NTF3: variants seen among roughly 807,000 people sequenced by gnomAD.
The protein encoded by NTF3 is neurotrophin-3.
NTF3 carries 8 observed loss-of-function variants against 26.3 expected under a neutral mutation model. The ratio of observed to expected loss-of-function variants is 0.30; its 90% CI spans 0.18 to 0.55. NTF3 has a LOEUF of 0.55. Among genes scored for constraint, NTF3 ranks in the 20% least tolerant of loss-of-function variants. The pLI is 0.93. For synonymous variants in NTF3, 154 were observed against 145.5 expected (o/e 1.06, Z -0.42); for missense variants, 276 against 352.9 (o/e 0.78, Z 1.75).
At chr12:5,472,965 A>G (rs1940683038) in intron 1 of NTF3, among the ~76,000 whole-genome samples, 1 of 152,112 alleles carries the variant, frequency 6.6e-6, no homozygotes, top group Non-Finnish European at 1.5e-5. Flanking sequence ...GGGCCAGGAG[A>G]GCACTTTCTC....
chr12:5,483,470 C>G (rs185216332), intron 1 of NTF3, among the ~76,000 whole-genome samples: 2 of 152,246 alleles, frequency 1.3e-5, no homozygotes, highest in East Asian at 3.9e-4. Flanking sequence ...TGAGGCCCTT[C>G]TGAGCAAATT....
At chr12:5,462,333 A>C (rs907543716) in intron 1 of NTF3, among the ~76,000 whole-genome samples, 3 of 152,252 alleles carry the variant, frequency 2.0e-5, no homozygotes, top group Non-Finnish European at 2.9e-5. Flanking sequence ...TTAGGATTAG[A>C]GTCAGAATAC....
chr12:5,443,270 C>A (rs1007925852), intron 1 of NTF3, among the ~76,000 whole-genome samples: 4 of 152,192 alleles, frequency 2.6e-5, no homozygotes, highest in Non-Finnish European at 4.4e-5. Flanking sequence ...AGGGCCCCCC[C>A]ATCCCCGACC....
At chr12:5,476,228 A>C (rs914329552) in intron 1 of NTF3, among the ~76,000 whole-genome samples, 2 of 152,152 alleles carry the variant, frequency 1.3e-5, no homozygotes, top group African/African-American at 4.8e-5. Context: ...TTAGGTGATA[A>C]AGTATCTGGT....
chr12:5,430,589 C>G (rs999366296), upstream of NTF3, among the ~76,000 whole-genome samples: 3 of 151,578 alleles, frequency 2.0e-5, no homozygotes, highest in African/African-American at 4.9e-5. Flanking sequence ...CAGACTCCCC[C>G]CTCCCTTCCC....
In NTF3 at chr12:5,485,059, C is replaced by A. The variant is rs551243212; in HGVS notation, c.19-9135C>A. On this transcript the variant is annotated intron_variant, in intron 1 of 1. Coordinates refer to ENST00000423158, the MANE Select transcript of NTF3 (RefSeq NM_001102654.2). The stretch of plus-strand genomic sequence containing the variant: ...ATTTTTAAAAATGAGTCTTTGGGTT[C>A]TTGGTTGTTTTTTACCATCAAATGA... Among the ~76,000 whole-genome samples the A allele has an allele frequency of 3.9e-5, 6 of 152,180 alleles. 1 individual carries two copies. The highest frequency in any genetic ancestry group is 4.1e-4 in the South Asian group (2 of 4,828).
At chr12:5,487,274 C>T (rs1033665896) in intron 1 of NTF3, among the ~76,000 whole-genome samples, 7 of 152,224 alleles carry the variant, frequency 4.6e-5, no homozygotes, top group African/African-American at 7.2e-5. Context: ...GTGTGCCATG[C>T]CTTCCATCTT....
At chr12:5,461,951 G>A (rs1940531123) in intron 1 of NTF3, among the ~76,000 whole-genome samples, 1 of 152,244 alleles carries the variant, frequency 6.6e-6, no homozygotes, top group African/African-American at 2.4e-5. Flanking sequence ...CAAGGGTTAT[G>A]TGTATGATGT....
In NTF3 at chr12:5,494,078, G is replaced by C. The variant is rs1032853741; in HGVS notation, c.19-116G>C. 1.1e-6 allele frequency: 1 copy of C among 904,284 alleles called. No individual in the cohort carries two copies. Among genetic ancestry groups the C allele is most frequent in the South Asian group, 1.7e-5 (1 of 59,602 alleles). The allele number at this position is 904,284 out of a possible 1,614,324, so 56.0% of individuals were successfully genotyped here. A position where few individuals can be genotyped will look rare whatever the true frequency, so the allele number is the denominator to read the frequency against. The stretch of plus-strand genomic sequence containing the variant: ...GAGGGGAGTTGCCTTGCTTACCTGG[G>C]GGGCGGTACCCTCTCTCGTGCCCTC... On this transcript the variant is annotated intron_variant, in intron 1 of 1. Coordinates refer to ENST00000423158, the MANE Select transcript of NTF3 (RefSeq NM_001102654.2). The surrounding 1 kb of genome is among the most constrained non-coding windows in gnomAD (Gnocchi z 8.3).
At chr12:5,489,591 A>G (rs1221887620) in intron 1 of NTF3, among the ~76,000 whole-genome samples, 1 of 152,180 alleles carries the variant, frequency 6.6e-6, no homozygotes, top group African/African-American at 2.4e-5. Context: ...GGCACTTTGC[A>G]TTTTTATTCT....
chr12:5,481,986 C>T (rs538059939), intron 1 of NTF3, among the ~76,000 whole-genome samples: 5 of 151,602 alleles, frequency 3.3e-5, no homozygotes, highest in Middle Eastern at 3.4e-3. Flanking sequence ...CAGACACACT[C>T]GCAGGCATAC....
intron 1 of NTF3, among the ~76,000 whole-genome samples, chr12:5,436,534 T>C (rs1467601574): frequency 1.3e-5 from 2 of 152,194 alleles, no homozygotes; most frequent in African/African-American, 2.4e-5. Flanking sequence ...ATATAATGAC[T>C]CAAGGAGAAG....
intron 1 of NTF3, among the ~76,000 whole-genome samples, chr12:5,450,939 G>A (rs1386679878): frequency 6.6e-6 from 1 of 152,182 alleles, no homozygotes; most frequent in Non-Finnish European, 1.5e-5. Flanking sequence ...TCAAATGACT[G>A]AGTAACTCAT....
intron 1 of NTF3, among the ~76,000 whole-genome samples, chr12:5,490,306 C>T (rs1940919489): frequency 6.6e-6 from 1 of 152,142 alleles, no homozygotes; most frequent in African/African-American, 2.4e-5. Context: ...AAATAGACGT[C>T]GAAAGTCCGC....
chr12:5,466,529 C>T (rs1416854796), intron 1 of NTF3, among the ~76,000 whole-genome samples: 1 of 152,198 alleles, frequency 6.6e-6, no homozygotes, highest in East Asian at 1.9e-4. Context: ...TCCTAGCCAT[C>T]ATTTCATTCC....
intron 1 of NTF3, among the ~76,000 whole-genome samples, chr12:5,493,677 G>A (rs1191081826): frequency 2.6e-5 from 4 of 152,276 alleles, no homozygotes; most frequent in Middle Eastern, 3.4e-3. Context: ...ATCTGACACT[G>A]CAATATGGGG....
At chr12:5,434,011 G>A (rs553487938) in intron 1 of NTF3, among the ~76,000 whole-genome samples, 5 of 152,198 alleles carry the variant, frequency 3.3e-5, no homozygotes, top group African/African-American at 9.7e-5. Context: ...ACATGGAAGC[G>A]CTCTGTCCTA....
At chr12:5,430,602 C>A (rs368799166), upstream of NTF3, among the ~76,000 whole-genome samples, 151 of 151,754 alleles carry the variant, frequency 1.0e-3, 5 homozygotes, top group East Asian at 0.027. Context: ...CCCTTCCCAC[C>A]TCCCCATCCA....
Position 5,493,259 on chromosome 12 carries a change from C to A in NTF3, c.19-935C>A, listed in dbSNP as rs550791399. ...CGGTGTTAAGCTTCTACTATGGCAA[C>A]AGAATGAGAGCGTGGATGGGTTGAA... On this transcript the variant is annotated intron_variant, in intron 1 of 1. Transcript: ENST00000423158. Among the ~76,000 whole-genome samples, 9 of 152,268 alleles carry A rather than the reference C, an allele frequency of 5.9e-5. No homozygotes were observed. The South Asian group carries it at 1.9e-3, about 32-fold the overall frequency.
Sources: gnomAD v4.1 joint callset for allele counts (sites outside exome capture counted in the v4.1 genomes callset) on GRCh38, gnomAD v4.1.1 for gene constraint, Gnocchi (gnomAD v3.1) non-coding constraint, MANE v1.5 for transcripts, NCBI Gene and HGNC (gene_info 2026-07-23, HGNC 2026-07-21) for gene names.